The following DMD variants were observed in gnomAD, a reference collection of about 807,000 sequenced individuals.
DMD encodes the protein mutant dystrophin.
A neutral mutation model predicts 330.1 loss-of-function variants in DMD; 63 were observed. That is an observed-to-expected ratio of 0.19 (90% CI 0.16 to 0.24). DMD has a LOEUF of 0.24. DMD is among the 10% of genes least tolerant of loss of function. The pLI, the probability that DMD is intolerant of heterozygous loss-of-function variation, is 1.00. For synonymous variants in DMD, 1,223 were observed against 959.8 expected (o/e 1.27, Z -5.07); for missense variants, 3,344 against 2,684.1 (o/e 1.25, Z -5.43).
chrX:32,313,814 A>G (rs960448909), intron 41 of DMD, among the ~76,000 whole-genome samples: 1 of 111,298 alleles, frequency 9.0e-6, no homozygotes, highest in Non-Finnish European at 1.9e-5. Flanking sequence ...CAAAGAGAAT[A>G]AAATACCTAG....
intron 37 of DMD, among the ~76,000 whole-genome samples, chrX:32,353,385 T>C (rs1381563899): frequency 8.9e-6 from 1 of 111,842 alleles, no homozygotes; most frequent in Non-Finnish European, 1.9e-5. Flanking sequence ...AACAGCTCAT[T>C]CTTGAGTCAC....
chrX:33,119,402 C>G (rs1348722837), intron 1 of DMD, among the ~76,000 whole-genome samples: 1 of 112,455 alleles, frequency 8.9e-6, no homozygotes, highest in Non-Finnish European at 1.9e-5. Context: ...CTGAACCATG[C>G]TGTTACTCTT....
rs1379290631 is a variant in DMD at position 32,365,062 on chromosome X, T to A, written c.4983A>T (p.Ile1661=). ...DKLSLLNSNW[I]AVTSRAEEWL... The stretch of plus-strand genomic sequence containing the variant: ...ACTCTTCTGCTCGGGAGGTGACAGC[T>A]ATCCAGTTACTATTCAGAAGACTGA... The change falls in exon 35 of 79, where the codon ATA becomes ATT. Residue 1661 remains isoleucine, a synonymous_variant. Transcript: ENST00000357033. The A allele has an allele frequency of 1.7e-6, 2 of 1,211,054 alleles. No homozygotes were observed. The highest frequency in any genetic ancestry group is 4.4e-5 in the Admixed American group (2 of 45,913).
intron 44 of DMD, among the ~76,000 whole-genome samples, chrX:32,190,581 T>TATAC (rs1268005626): frequency 4.2e-5 from 4 of 95,809 alleles, no homozygotes; most frequent in African/African-American, 1.5e-4. Flanking sequence ...TATATATATA[T>TATAC]ATATTTCACC....
chrX:31,124,162 G>C (rs1187621426), intron 78 of DMD, among the ~76,000 whole-genome samples: 1 of 112,181 alleles, frequency 8.9e-6, no homozygotes, highest in Non-Finnish European at 1.9e-5. Flanking sequence ...TTACACTGCT[G>C]CATTTTCACA....
intron 44 of DMD, among the ~76,000 whole-genome samples, chrX:32,093,388 T>C (rs940084129): frequency 5.3e-5 from 6 of 112,218 alleles, no homozygotes; most frequent in Non-Finnish European, 9.4e-5. Context: ...GTGGGATTGC[T>C]GGATCATCTG....
chrX:33,299,416 C>A (rs963255526), intron 1 of DMD, among the ~76,000 whole-genome samples: 2 of 111,393 alleles, frequency 1.8e-5, no homozygotes, highest in Admixed American at 1.9e-4. Flanking sequence ...CAAATGCTGT[C>A]TTTTACTCCT....
chrX:31,309,236 T>C (rs1162987473), intron 62 of DMD, among the ~76,000 whole-genome samples: 1 of 112,352 alleles, frequency 8.9e-6, no homozygotes, highest in African/African-American at 3.2e-5. Flanking sequence ...ACAAGGGATC[T>C]GAAAATTAAC....
chrX:32,697,925 G>A lies in DMD; in HGVS notation c.905C>T (p.Thr302Ile), dbSNP rs1419118040. 2 of 1,209,199 alleles carry A rather than the reference G, an allele frequency of 1.7e-6. No individual in the cohort carries two copies. Among genetic ancestry groups the A allele is most frequent in the Non-Finnish European group, 2.2e-6 (2 of 894,284 alleles). The change falls in exon 9 of 79, where the codon ACA becomes ATA. Residue 302 changes from threonine (T) to isoleucine (I), a missense_variant. Physicochemically the swap from Thr to Ile is moderately conservative, Grantham distance 89 (BLOSUM62 -1). Transcript: ENST00000357033. The stretch of plus-strand genomic sequence containing the variant: ...AGAGGTGGTGACATAAGCAGCCTGT[G>A]TGTAGGCATAGCTCTTGAATCGAGG... ...PKPRFKSYAY[T>I]QAAYVTTSDP...
In DMD at chrX:32,935,079, C is replaced by T. The variant is rs773999634; in HGVS notation, c.93+85060G>A. Among the ~76,000 whole-genome samples, 1,114 of 112,489 alleles carry T rather than the reference C, an allele frequency of 9.9e-3. 14 individuals are homozygous for T. Among genetic ancestry groups the T allele is most frequent in the African/African-American group, 0.034 (1,052 of 31,025 alleles). Reference sequence around the variant, plus strand: ...CTGCAAGCTCCGCCTCCCGGGTTCACGCCATTCTCCTGCCTCAGCCTCCCG... The same window carrying T: ...CTGCAAGCTCCGCCTCCCGGGTTCATGCCATTCTCCTGCCTCAGCCTCCCG... On this transcript the variant is annotated intron_variant, in intron 2 of 78. Coordinates refer to ENST00000357033, the MANE Select transcript of DMD (RefSeq NM_004006.3).
intron 2 of DMD, among the ~76,000 whole-genome samples, chrX:32,932,230 G>T (rs563918768): frequency 8.9e-6 from 1 of 112,151 alleles, no homozygotes; most frequent in Non-Finnish European, 1.9e-5. Context: ...GTAAGGTGGG[G>T]TCACAAATCC....
intron 60 of DMD, among the ~76,000 whole-genome samples, chrX:31,353,851 A>T (rs773431336): frequency 1.2e-4 from 13 of 112,021 alleles, no homozygotes; most frequent in Non-Finnish European, 2.3e-4. Context: ...AAGGAGTTTA[A>T]ATAGAATGAT....
chrX:33,305,435 G>T (rs2053744463), intron 1 of DMD, among the ~76,000 whole-genome samples: 1 of 72,048 alleles, frequency 1.4e-5, no homozygotes. Flanking sequence ...GGGGAGGGGG[G>T]AGGGATAGCA....
intron 2 of DMD, among the ~76,000 whole-genome samples, chrX:32,932,047 G>T (rs1057290531): frequency 8.9e-6 from 1 of 112,031 alleles, no homozygotes; most frequent in Non-Finnish European, 1.9e-5. Flanking sequence ...AAACACAAAC[G>T]TATCTGTCCT....
chrX:32,252,912 A>G (rs1603629292), intron 43 of DMD, among the ~76,000 whole-genome samples: 1 of 83,590 alleles, frequency 1.2e-5, no homozygotes, highest in Admixed American at 1.7e-4. Flanking sequence ...ATATACATAA[A>G]TATATATAGA....
intron 1 of DMD, among the ~76,000 whole-genome samples, chrX:33,046,564 T>C (rs962345222): frequency 8.9e-6 from 1 of 112,164 alleles, no homozygotes; most frequent in Non-Finnish European, 1.9e-5. Context: ...GTGGTTGGAC[T>C]CTATCCATTG....
intron 1 of DMD, among the ~76,000 whole-genome samples, chrX:33,224,628 A>G (rs1311534922): frequency 9.0e-6 from 1 of 111,719 alleles, no homozygotes; most frequent in Non-Finnish European, 1.9e-5. Context: ...ACTCTGTATG[A>G]TATTATCATA....
intron 43 of DMD, among the ~76,000 whole-genome samples, chrX:32,277,589 A>C (rs62591891): frequency 0.12 from 12,905 of 111,291 alleles, 762 homozygotes; most frequent in Non-Finnish European, 0.16. Flanking sequence ...AGTCTTAAAA[A>C]TTCAGTAACA....
At chrX:31,629,596 C>T (rs1419946853) in intron 54 of DMD, among the ~76,000 whole-genome samples, 4 of 111,709 alleles carry the variant, frequency 3.6e-5, no homozygotes, top group Non-Finnish European at 7.5e-5. Flanking sequence ...CAAGGGCTAA[C>T]GTGGACTGCC....
Sources: allele counts gnomAD v4.1 joint callset (sites outside exome capture counted in the v4.1 genomes callset), GRCh38; gene constraint gnomAD v4.1.1; transcripts MANE v1.5; gene names NCBI Gene and HGNC (gene_info 2026-07-23, HGNC 2026-07-21).